ARID3C: variants seen among roughly 807,000 people sequenced by gnomAD.
ARID3C encodes the protein AT-rich interaction domain 3C, also known as AT-rich interactive domain-containing protein 3C.
Under a neutral mutation model 37.9 loss-of-function variants are expected in ARID3C, and 42 were observed. The ratio of observed to expected loss-of-function variants is 1.11; its 90% CI spans 0.87 to 1.43. The LOEUF (loss-of-function observed/expected upper bound fraction) is 1.43. ARID3C is among the 40% of genes most tolerant of loss of function. ARID3C has a pLI of 0.00. For synonymous variants in ARID3C, 213 were observed against 228.0 expected, an observed-to-expected ratio of 0.93 and a Z score of 0.59; for missense variants, 581 against 548.8, an observed-to-expected ratio of 1.06 and a Z score of -0.59.
At chr9:34,624,093 G>A (rs955616505) in intron 2 of ARID3C, 46 bp from the exon 4 acceptor site, 10 of 1,523,780 alleles carry the variant, frequency 6.6e-6, no homozygotes, top group Middle Eastern at 1.7e-4. Flanking sequence ...CGAAGACCCT[G>A]TCTGCAGCAT....
upstream of ARID3C, among the ~76,000 whole-genome samples, chr9:34,630,624 C>G (rs1012730069): frequency 2.6e-5 from 4 of 152,130 alleles, no homozygotes; most frequent in Non-Finnish European, 5.9e-5. Flanking sequence ...CTGGCTCAAA[C>G]CACCGGCTCT....
chr9:34,626,403 TACAGACGCTGCTATAGAGGC>T (rs1327114111), intron 1 of ARID3C, among the ~76,000 whole-genome samples: 1 of 152,118 alleles, frequency 6.6e-6, no homozygotes. Context: ...TTAACCTGCC[TACAGACGCTGCTATAGAGGC>T]ACTGGCCCTG....
chr9:34,624,119 C>G, intron 2 of ARID3C, 72 bp from the exon 4 acceptor site: 1 of 1,482,454 alleles, frequency 6.7e-7, no homozygotes, highest in South Asian at 1.3e-5. Flanking sequence ...GGGACTGATA[C>G]AGGACGGGAG....
intron 6 of ARID3C, 69 bp from the exon 8 acceptor site, chr9:34,621,627 G>A: frequency 1.7e-6 from 2 of 1,159,960 alleles, no homozygotes; most frequent in East Asian, 5.2e-5. Context: ...GGAAACAGAA[G>A]AGGGGAACAA....
chr9:34,628,150 A>T (rs551944902), upstream of ARID3C: 37 of 1,216,396 alleles, frequency 3.0e-5, no homozygotes. The surrounding 1 kb of genome is among the most constrained non-coding windows in gnomAD (Gnocchi z 5.2). Context: ...ACACAGGGGG[A>T]GGTGGTCATG....
exon 4 of ARID3C, chr9:34,623,636 G>T: frequency 1.2e-6 from 2 of 1,602,872 alleles, no homozygotes; most frequent in Non-Finnish European, 1.7e-6. Flanking sequence ...GCCGATTGCT[G>T]TCTATGGCGG....
intron 1 of ARID3C, among the ~76,000 whole-genome samples, chr9:34,627,164 G>T (rs555545341): frequency 2.6e-5 from 4 of 152,344 alleles, no homozygotes; most frequent in African/African-American, 9.6e-5. Context: ...TAGGGAGGAG[G>T]TGACAGGAAA....
upstream of ARID3C, among the ~76,000 whole-genome samples, chr9:34,629,844 C>T (rs1217991325): frequency 6.6e-6 from 1 of 152,100 alleles, no homozygotes; most frequent in Non-Finnish European, 1.5e-5. Context: ...CCTCCGCCTC[C>T]CAGGTTCAAG....
exon 7 of ARID3C, chr9:34,621,516 C>A: frequency 6.4e-7 from 1 of 1,557,030 alleles, no homozygotes; most frequent in Non-Finnish European, 8.6e-7. Context: ...GTTGGTTGGA[C>A]CCTGGGAAGC....
At chr9:34,628,880 G>C (rs1394525154), upstream of ARID3C, among the ~76,000 whole-genome samples, 1 of 152,074 alleles carries the variant, frequency 6.6e-6, no homozygotes, top group Non-Finnish European at 1.5e-5. This position sits in a 1 kb window ranked among gnomAD's most constrained non-coding sequence, Gnocchi z 5.2. Flanking sequence ...CGCGACGCCC[G>C]GCTCCCTCGC....
chr9:34,627,615 T>C lies in ARID3C; in HGVS notation c.318+82A>G. The C allele has an allele frequency of 2.3e-6, 3 of 1,309,160 alleles. No homozygotes were observed. In the East Asian group the frequency reaches 7.0e-5, roughly 31 times the overall value. The allele number at this position is 1,309,160 out of a possible 1,614,324, so 81.1% of individuals were successfully genotyped here. ...TCTTGCAGAGGGTGGTGGGGGTGGGTGGGCTGCTAATCACCTGGCTGTGCT... is the reference window on the plus strand; with the variant it reads ...TCTTGCAGAGGGTGGTGGGGGTGGGCGGGCTGCTAATCACCTGGCTGTGCT... On this transcript the variant is annotated intron_variant, in intron 1 of 6. Coordinates refer to ENST00000378909, the Ensembl canonical transcript of ARID3C.
chr9:34,627,715 G>C lies in ARID3C; in HGVS notation c.300C>G (p.Tyr100Ter). 25 of 1,612,356 alleles carry C rather than the reference G, an allele frequency of 1.6e-5. No homozygotes were observed. Among genetic ancestry groups the C allele is most frequent in the Non-Finnish European group, 2.1e-5 (25 of 1,179,212 alleles). ...GTCCTACCTGCTTGAATTGTTCCTCGTAGGTCCACTCGTGGGGATGGAGTC... is the reference window on the plus strand; with the variant it reads ...GTCCTACCTGCTTGAATTGTTCCTCCTAGGTCCACTCGTGGGGATGGAGTC... Residue 100 changes from tyrosine (Y) to a stop codon, truncating the protein, a stop_gained, in exon 1 of 7, where the codon TAC becomes TAG. Coordinates refer to ENST00000378909, the Ensembl canonical transcript of ARID3C. LOFTEE classifies it high-confidence loss of function.
chr9:34,624,052 TGGGGAGCGGG>T lies in ARID3C; in HGVS notation c.392-15_392-6del. The stretch of plus-strand genomic sequence containing the variant: ...GCACGCGGTTCACTGGCGTCCCTGG[TGGGGAGCGGG>T]CTGCCGTCAGGACACTGAGACGAAG... On this transcript the variant is annotated splice_region_variant and splice_polypyrimidine_tract_variant and intron_variant, in intron 2 of 6. Transcript: ENST00000378909. 6.3e-7 allele frequency: 1 copy of T among 1,578,206 alleles called. No individual in the cohort carries two copies. The highest frequency in any genetic ancestry group is 8.6e-7 in the Non-Finnish European group (1 of 1,164,670).
chr9:34,623,927 T>G, exon 3 of ARID3C: 1 of 1,598,190 alleles, frequency 6.3e-7, no homozygotes, highest in Non-Finnish European at 8.5e-7. Context: ...GCGCGTGACT[T>G]CCCGCCACAC....
chr9:34,623,483 G>A (rs1267008743), exon 4 of ARID3C: 1 of 1,541,654 alleles, frequency 6.5e-7, no homozygotes, highest in Non-Finnish European at 8.7e-7. Context: ...GGCCGGAGGT[G>A]GAACCCTGGG....
chr9:34,624,519 T>C (rs1385632761), intron 2 of ARID3C, among the ~76,000 whole-genome samples: 3 of 152,196 alleles, frequency 2.0e-5, no homozygotes, highest in Admixed American at 1.3e-4. Flanking sequence ...GGAAGGACTT[T>C]CGGACAGTGC....
chr9:34,621,876 G>T, intron 6 of ARID3C, 144 bp downstream of exon 7: 1 of 839,798 alleles, frequency 1.2e-6, no homozygotes, highest in South Asian at 1.6e-5. Context: ...ACCCATGCCA[G>T]TCTAGCAATC....
chr9:34,623,565 GGGGGC>G lies in ARID3C; in HGVS notation c.720_724del (p.Pro241SerfsTer45). Reference sequence around the variant, plus strand: ...CAAGGCTGGGTCCTGAGCGCCCCGAGGGGGCGGCCCTGCCAAGCCGAAGAGCGGAG... The same window carrying G: ...CAAGGCTGGGTCCTGAGCGCCCCGAGGGCCCTGCCAAGCCGAAGAGCGGAG... On this transcript the variant is annotated frameshift_variant, in exon 4 of 7. Coordinates refer to ENST00000378909, the Ensembl canonical transcript of ARID3C. LOFTEE classifies it high-confidence loss of function. 1 of 1,605,330 alleles carries G rather than the reference GGGGGC, an allele frequency of 6.2e-7. No individual in the cohort carries two copies. Among genetic ancestry groups the G allele is most frequent in the Non-Finnish European group, 8.5e-7 (1 of 1,176,414 alleles).
chr9:34,622,035 C>G (rs142710890), exon 6 of ARID3C: 60 of 1,613,964 alleles, frequency 3.7e-5, no homozygotes, highest in Non-Finnish European at 4.8e-5. Context: ...TAGACCACCC[C>G]GTTGATCTCT....
Sources: allele counts gnomAD v4.1 joint callset (sites outside exome capture counted in the v4.1 genomes callset), GRCh38; gene constraint gnomAD v4.1.1; non-coding constraint Gnocchi (gnomAD v3.1); transcripts MANE v1.5; gene names NCBI Gene and HGNC (gene_info 2026-07-23, HGNC 2026-07-21).